The following LHFPL1 variants were observed in gnomAD, a reference collection of about 807,000 sequenced individuals.
LHFPL1 encodes the protein LHFPL tetraspan subfamily member 1.
In LHFPL1, 4 loss-of-function variants were observed where a neutral mutation model predicts 12.1. That is an observed-to-expected ratio of 0.33 (90% CI 0.16 to 0.76). LHFPL1 has a LOEUF of 0.76. Among genes scored for constraint, LHFPL1 ranks in the 30% least tolerant of loss-of-function variants. LHFPL1 has a pLI of 0.61. For missense variants in LHFPL1, 141 were observed against 174.1 expected, an observed-to-expected ratio of 0.81 and a Z score of 1.07; for synonymous variants, 52 against 61.9, an observed-to-expected ratio of 0.84 and a Z score of 0.75.
intron 3 of LHFPL1, among the ~76,000 whole-genome samples, chrX:112,647,507 G>A (rs1930728414): frequency 8.9e-6 from 1 of 112,005 alleles, no homozygotes; most frequent in Non-Finnish European, 1.9e-5. Flanking sequence ...CAAAAAGTGG[G>A]CAAAGGATAT....
At chrX:112,675,707 C>G (rs1327270381) in intron 1 of LHFPL1, among the ~76,000 whole-genome samples, 1 of 111,175 alleles carries the variant, frequency 9.0e-6, no homozygotes, top group African/African-American at 3.3e-5. Context: ...AGTGATAAAA[C>G]CAGGAAAGTC....
chrX:112,668,761 A>T (rs1464199659), intron 2 of LHFPL1, among the ~76,000 whole-genome samples: 5 of 112,424 alleles, frequency 4.4e-5, no homozygotes, highest in African/African-American at 1.3e-4. Flanking sequence ...GAGTTTCTAT[A>T]CCTAGTAGGT....
chrX:112,648,233 T>A (rs2147707845), intron 3 of LHFPL1, among the ~76,000 whole-genome samples: 1 of 110,892 alleles, frequency 9.0e-6, no homozygotes, highest in East Asian at 2.8e-4. Context: ...AGATGATGGG[T>A]TGATGGGTGC....
At chrX:112,640,478 T>TA (rs1930469772) in intron 3 of LHFPL1, among the ~76,000 whole-genome samples, 1 of 111,662 alleles carries the variant, frequency 9.0e-6, no homozygotes, top group Non-Finnish European at 1.9e-5. Flanking sequence ...AGAGTCCCTG[T>TA]AGGCCTTGCT....
At chrX:112,660,949 A>T (rs868217475) in intron 2 of LHFPL1, among the ~76,000 whole-genome samples, 1 of 112,235 alleles carries the variant, frequency 8.9e-6, no homozygotes, top group Non-Finnish European at 1.9e-5. Context: ...TCATAAATTT[A>T]AAAAATGTTG....
intron 2 of LHFPL1, among the ~76,000 whole-genome samples, chrX:112,666,359 G>A (rs757365613): frequency 1.8e-5 from 2 of 110,738 alleles, no homozygotes; most frequent in Non-Finnish European, 3.8e-5. Context: ...TTACAGGATC[G>A]TTCATATCTG....
intron 2 of LHFPL1, among the ~76,000 whole-genome samples, chrX:112,668,240 G>A (rs1931393115): frequency 8.9e-6 from 1 of 112,108 alleles, no homozygotes; most frequent in African/African-American, 3.2e-5. Flanking sequence ...TGTCTCAGAA[G>A]GTCAGGCCGA....
At chrX:112,668,765 A>C (rs1333457761) in intron 2 of LHFPL1, among the ~76,000 whole-genome samples, 1 of 112,508 alleles carries the variant, frequency 8.9e-6, no homozygotes, top group African/African-American at 3.2e-5. Context: ...TTCTATACCT[A>C]GTAGGTGAAA....
chrX:112,648,536 T>C (rs754600573), intron 3 of LHFPL1: 1 of 111,360 alleles, frequency 9.0e-6, no homozygotes, highest in South Asian at 3.8e-4. Flanking sequence ...AAAATCTGTT[T>C]GCTGATCATT....
intron 2 of LHFPL1, among the ~76,000 whole-genome samples, chrX:112,670,550 G>A (rs1931467699): frequency 2.7e-5 from 3 of 112,403 alleles, no homozygotes; most frequent in African/African-American, 9.7e-5. Context: ...TATTAGAGGT[G>A]TATTTCTTTG....
intron 1 of LHFPL1, among the ~76,000 whole-genome samples, chrX:112,678,865 G>T (rs1467852341): frequency 8.9e-6 from 1 of 111,920 alleles, no homozygotes; most frequent in Non-Finnish European, 1.9e-5. Flanking sequence ...TTTGGAATCA[G>T]ATCAGAGACA....
At chrX:112,656,580 C>G (rs758587420) in intron 3 of LHFPL1, among the ~76,000 whole-genome samples, 1 of 111,462 alleles carries the variant, frequency 9.0e-6, no homozygotes, top group Non-Finnish European at 1.9e-5. Flanking sequence ...AAAATTGTCT[C>G]TATTCTCAGA....
intron 3 of LHFPL1, among the ~76,000 whole-genome samples, chrX:112,652,209 T>C (rs1569363756): frequency 8.9e-6 from 1 of 112,185 alleles, no homozygotes; most frequent in Non-Finnish European, 1.9e-5. Flanking sequence ...ACCCTGTCTC[T>C]TCCTTCATAT....
intron 3 of LHFPL1, among the ~76,000 whole-genome samples, chrX:112,635,482 C>T (rs1304648865): frequency 1.8e-5 from 2 of 112,357 alleles, no homozygotes; most frequent in Admixed American, 9.4e-5. Context: ...CCAAGTCTTG[C>T]GAGAATATAC....
intron 3 of LHFPL1, among the ~76,000 whole-genome samples, chrX:112,631,873 T>C (rs943313988): frequency 8.9e-6 from 1 of 111,733 alleles, no homozygotes; most frequent in African/African-American, 3.3e-5. Flanking sequence ...TGGGTGGCAA[T>C]GCTAATGACA....
intron 1 of LHFPL1, among the ~76,000 whole-genome samples, chrX:112,678,688 T>C (rs574532098): frequency 1.3e-4 from 15 of 112,411 alleles, no homozygotes; most frequent in African/African-American, 4.2e-4. Flanking sequence ...TCACTTTCAA[T>C]GCTTGTTCAG....
In LHFPL1 at chrX:112,631,204, G is replaced by T; in HGVS notation, c.*216C>A. On this transcript the variant is annotated 3_prime_UTR_variant, in exon 4 of 4. Transcript: ENST00000371968. Reference sequence around the variant, plus strand: ...TCGGGTTAGCACGACTTGCCAGTTGGGTAAATGTCTGAGAATGTTTCCTCT... The same window carrying T: ...TCGGGTTAGCACGACTTGCCAGTTGTGTAAATGTCTGAGAATGTTTCCTCT... The T allele has an allele frequency of 3.0e-6, 1 of 332,197 alleles. No individual in the cohort carries two copies. The highest frequency in any genetic ancestry group is 4.5e-5 in the East Asian group (1 of 22,342). 27.4% of individuals were successfully genotyped at this position (332,197 alleles called of 1,213,427 possible).
At chrX:112,642,496 A>C (rs1930542303) in intron 3 of LHFPL1, among the ~76,000 whole-genome samples, 1 of 108,731 alleles carries the variant, frequency 9.2e-6, no homozygotes, top group Non-Finnish European at 1.9e-5. Context: ...CAGGACTGAG[A>C]AAGCAGCAGA....
At chrX:112,648,737 T>TA (rs1322217850) in intron 3 of LHFPL1, 1 of 111,847 alleles carries the variant, frequency 8.9e-6, no homozygotes, top group African/African-American at 3.2e-5. Flanking sequence ...ATTTCAACAT[T>TA]AAAAAAAGAA....
Sources: gnomAD v4.1 joint callset for allele counts (sites outside exome capture counted in the v4.1 genomes callset) on GRCh38, gnomAD v4.1.1 for gene constraint, MANE v1.5 for transcripts, NCBI Gene and HGNC (gene_info 2026-07-23, HGNC 2026-07-21) for gene names.